The following KDM5B variants were observed in gnomAD, a reference collection of about 807,000 sequenced individuals.
The protein encoded by KDM5B is lysine demethylase 5B.
A neutral mutation model predicts 193.4 loss-of-function variants in KDM5B; 144 were observed. That is an observed-to-expected ratio of 0.74 (90% CI 0.65 to 0.86). The LOEUF is 0.86. Ranked by LOEUF, KDM5B falls within the 40% of genes least tolerant of loss-of-function variation. The pLI is 0.00. For synonymous variants in KDM5B, 668 were observed against 682.6 expected (o/e 0.98, Z 0.33); for missense variants, 1,833 against 1,886.9 (o/e 0.97, Z 0.53).
intron 1 of KDM5B, among the ~76,000 whole-genome samples, chr1:202,789,494 G>A (rs1056399814): frequency 2.0e-4 from 30 of 146,808 alleles, no homozygotes; most frequent in African/African-American, 7.1e-4. Flanking sequence ...CTGAGATGGC[G>A]CCACTGAACT....
chr1:202,729,612 T>TA, intron 26 of KDM5B, 95 bp downstream of exon 26: 1 of 1,031,360 alleles, frequency 9.7e-7, no homozygotes, highest in Non-Finnish European at 1.4e-6. Flanking sequence ...TCAAAGCAGA[T>TA]AAGCAGAGGA....
chr1:202,800,213 T>C (rs1276344521), intron 1 of KDM5B, among the ~76,000 whole-genome samples: 6 of 152,016 alleles, frequency 3.9e-5, no homozygotes, highest in African/African-American at 1.5e-4. Flanking sequence ...CCCAGCTAAT[T>C]TTGTACTTTT....
At chr1:202,766,846 A>C in intron 5 of KDM5B, 80 bp downstream of exon 5, 1 of 1,437,778 alleles carries the variant, frequency 7.0e-7, no homozygotes, top group Non-Finnish European at 9.3e-7. Flanking sequence ...GAGCACACAC[A>C]TGAGAGAAAT....
intron 10 of KDM5B, among the ~76,000 whole-genome samples, chr1:202,755,829 G>A (rs2102263010): frequency 6.6e-6 from 1 of 152,198 alleles, no homozygotes; most frequent in Admixed American, 6.5e-5. Context: ...CGGGCGAAAA[G>A]GGAACTTCTG....
intron 20 of KDM5B, among the ~76,000 whole-genome samples, chr1:202,737,430 G>A (rs1015938391): frequency 6.6e-6 from 1 of 152,194 alleles, no homozygotes; most frequent in African/African-American, 2.4e-5. Context: ...TTTTTAGAAA[G>A]AGATAGCCAA....
intron 1 of KDM5B, among the ~76,000 whole-genome samples, chr1:202,787,681 G>A (rs896814567): frequency 1.3e-5 from 2 of 151,706 alleles, no homozygotes; most frequent in East Asian, 1.9e-4. Context: ...AGGTCAGTTC[G>A]AGACCATCCT....
chr1:202,735,027 G>C (rs1655042086), intron 22 of KDM5B, among the ~76,000 whole-genome samples: 1 of 152,204 alleles, frequency 6.6e-6, no homozygotes, highest in African/African-American at 2.4e-5. Flanking sequence ...ATGCAGGTCA[G>C]AGATGTAAGG....
At chr1:202,732,580 G>C (rs1183053284) in intron 23 of KDM5B, among the ~76,000 whole-genome samples, 1 of 150,470 alleles carries the variant, frequency 6.6e-6, no homozygotes, top group Admixed American at 6.6e-5. Flanking sequence ...TCAGAAGCCT[G>C]CAAAGAAATA....
chr1:202,779,338 G>A (rs1245000084), intron 1 of KDM5B, among the ~76,000 whole-genome samples: 1 of 151,924 alleles, frequency 6.6e-6, no homozygotes, highest in African/African-American at 2.4e-5. Flanking sequence ...AATTAGCCAG[G>A]CGTGGTGGCA....
intron 20 of KDM5B, among the ~76,000 whole-genome samples, chr1:202,738,428 A>T (rs972518763): frequency 1.3e-5 from 2 of 152,216 alleles, no homozygotes; most frequent in African/African-American, 4.8e-5. Flanking sequence ...TCTCATTAAC[A>T]AAGTTTATGT....
At chr1:202,731,971 C>A (rs1349406391) in intron 23 of KDM5B, 32 bp from the exon 24 acceptor site, 3 of 1,447,520 alleles carry the variant, frequency 2.1e-6, no homozygotes, top group Admixed American at 1.8e-5. Flanking sequence ...ATAATAAAAT[C>A]TCTTCAGGAT....
At chr1:202,783,884 A>T (rs1004475898) in intron 1 of KDM5B, among the ~76,000 whole-genome samples, 1 of 152,180 alleles carries the variant, frequency 6.6e-6, no homozygotes, top group Non-Finnish European at 1.5e-5. Flanking sequence ...TGTCTCAAAA[A>T]AAAAAAGAAG....
chr1:202,732,415 A>G (rs1258230649), intron 23 of KDM5B, among the ~76,000 whole-genome samples: 1 of 152,176 alleles, frequency 6.6e-6, no homozygotes. Flanking sequence ...AATTAATATA[A>G]GAGTTGTGTC....
In KDM5B at chr1:202,758,448, A is replaced by G; in HGVS notation, c.1140T>C (p.Arg380=). The G allele has an allele frequency of 6.2e-7, 1 of 1,613,294 alleles. No individual in the cohort carries two copies. The highest frequency in any genetic ancestry group is 8.5e-7 in the Non-Finnish European group (1 of 1,179,398). ...FEQAARDYTL[R]TFGEMADAFK... ...ACGCATCTGCCATTTCCCCAAAAGT[A>G]CGGAGGGTATAGTCCCTGGCTGCTT... is the stretch of plus-strand genomic sequence containing the variant. Residue 380 remains arginine (R), a synonymous_variant, in exon 9 of 27, where the codon CGT becomes CGC. Transcript: ENST00000367265.
intron 4 of KDM5B, among the ~76,000 whole-genome samples, chr1:202,771,215 A>G (rs1656700091): frequency 6.6e-6 from 1 of 151,960 alleles, no homozygotes; most frequent in African/African-American, 2.4e-5. Flanking sequence ...TTTATTTTTT[A>G]TGTTTGTTTA....
intron 14 of KDM5B, 63 bp downstream of exon 14, chr1:202,748,882 G>A (rs1350443109): frequency 3.0e-5 from 40 of 1,326,624 alleles, no homozygotes; most frequent in South Asian, 8.4e-5. Flanking sequence ...ATATTAAAGT[G>A]CGTAAAAATT....
intron 5 of KDM5B, among the ~76,000 whole-genome samples, chr1:202,765,272 C>T (rs191725435): frequency 1.8e-4 from 28 of 152,294 alleles, no homozygotes; most frequent in Non-Finnish European, 4.0e-4. Context: ...CTATTAAGGG[C>T]TCCTTCCTCA....
chr1:202,774,524 A>G, intron 3 of KDM5B, 89 bp downstream of exon 3: 1 of 1,265,094 alleles, frequency 7.9e-7, no homozygotes, highest in Non-Finnish European at 1.1e-6. Context: ...CACCTGGCTG[A>G]GCAATAAGTT....
Position 202,731,037 on chromosome 1 carries a change from A to G in KDM5B, c.4048T>C (p.Leu1350=), listed in dbSNP as rs1396260729. The G allele has an allele frequency of 2.5e-6, 4 of 1,612,962 alleles. No homozygotes were observed. The highest frequency in any genetic ancestry group is 1.1e-5 in the South Asian group (1 of 90,994). Reference sequence around the variant, plus strand: ...ACCTGGAGCAGCTGGGCTTCCATCAATAGTTCATTCACTTCTGGACTAACA... The same window carrying G: ...ACCTGGAGCAGCTGGGCTTCCATCAGTAGTTCATTCACTTCTGGACTAACA... The part of the protein sequence containing the change: ...HGVSPEVNEL[L]MEAQLLQVSL... Residue 1350 remains leucine, a synonymous_variant, in exon 25 of 27, where the codon TTG becomes CTG. Transcript: ENST00000367265.
Sources: gnomAD v4.1 joint callset for allele counts (sites outside exome capture counted in the v4.1 genomes callset) on GRCh38, gnomAD v4.1.1 for gene constraint, MANE v1.5 for transcripts, NCBI Gene and HGNC (gene_info 2026-07-23, HGNC 2026-07-21) for gene names.